Variants in COL23A1 observed in about 807,000 individuals in gnomAD.
COL23A1 encodes the protein collagen alpha-1(XXIII) chain.
COL23A1 carries 97 observed loss-of-function variants against 99.3 expected under a neutral mutation model. The ratio of observed to expected loss-of-function variants is 0.98; its 90% confidence interval spans 0.83 to 1.16. The LOEUF (loss-of-function observed/expected upper bound fraction) is 1.16. Among genes scored for constraint, COL23A1 ranks in the 50% most tolerant of loss-of-function variants. The probability of loss-of-function intolerance (pLI) is 0.00; values close to 1 mark genes in which losing one functional copy is unlikely to be tolerated. For synonymous variants in COL23A1, 320 were observed against 308.2 expected (o/e 1.04, Z -0.40); for missense variants, 762 against 757.4 (o/e 1.01, Z -0.07).
Position 178,239,177 on chromosome 5 carries a change from GC to G in COL23A1, c.1583del (p.Gly528AlafsTer40). On this transcript the variant is annotated frameshift_variant and splice_region_variant, in exon 28 of 29. Coordinates refer to ENST00000390654, the MANE Select transcript of COL23A1 (RefSeq NM_173465.4). LOFTEE classifies it high-confidence loss of function. ...PPGLDQPCPV[G>X]PDGLPVPGCW... The stretch of plus-strand genomic sequence containing the variant: ...AGCCAGGCACAGGCAGCCCGTCGGG[GC>G]CCTGGAAAGGAAGAAGGTTTCAGTG... 1.2e-6 allele frequency: 2 copies of G among 1,614,070 alleles called. No homozygotes were observed. The highest frequency in any genetic ancestry group is 2.2e-5 in the East Asian group (1 of 44,870).
intron 2 of COL23A1, among the ~76,000 whole-genome samples, chr5:178,469,272 G>A (rs1379495835): frequency 6.6e-6 from 1 of 152,148 alleles, no homozygotes; most frequent in African/African-American, 2.4e-5. Flanking sequence ...AGGAGGGGAC[G>A]AATTCCTAAC....
intron 2 of COL23A1, among the ~76,000 whole-genome samples, chr5:178,526,951 C>T (rs557156277): frequency 2.8e-4 from 43 of 152,238 alleles, no homozygotes; most frequent in Non-Finnish European, 5.7e-4. Context: ...AAAAGACGGC[C>T]TCCTTTGTCC....
chr5:178,520,869 C>T (rs1759902951), intron 2 of COL23A1, among the ~76,000 whole-genome samples: 1 of 152,176 alleles, frequency 6.6e-6, no homozygotes, highest in South Asian at 2.1e-4. Flanking sequence ...TATTAGGAAA[C>T]AAAGAATTTA....
chr5:178,261,641 A>C, intron 11 of COL23A1, 81 bp downstream of exon 11: 2 of 942,942 alleles, frequency 2.1e-6, no homozygotes, highest in Non-Finnish European at 1.7e-6. Flanking sequence ...GGTGGGGGGA[A>C]GAGACAGGAA....
chr5:178,491,117 G>A (rs180763179), intron 2 of COL23A1, among the ~76,000 whole-genome samples: 1 of 151,854 alleles, frequency 6.6e-6, no homozygotes, highest in Admixed American at 6.6e-5. Flanking sequence ...AGAGAGAGGA[G>A]ACACGGAGGA....
At position 178,310,736 on chromosome 5, in the gene COL23A1, C is replaced by T. The variant is rs771613781; in HGVS notation, c.362-3817G>A. On this transcript the variant is annotated intron_variant, in intron 2 of 28. Transcript: ENST00000390654. This position sits in a 1 kb window ranked among gnomAD's most constrained non-coding sequence, Gnocchi z 4.3. ...GGGCCTGGTGTGGAGCAGGTTGCCCCGGCCCCTGGGAGAGCAGGGCCAGCT... is the reference window on the plus strand; with the variant it reads ...GGGCCTGGTGTGGAGCAGGTTGCCCTGGCCCCTGGGAGAGCAGGGCCAGCT... 2.8e-4 allele frequency among the ~76,000 whole-genome samples: 42 copies of T among 152,000 alleles called. 1 individual carries two copies. The highest frequency in any genetic ancestry group is 6.2e-4 in the South Asian group (3 of 4,822).
At chr5:178,484,744 C>A (rs553096394) in intron 2 of COL23A1, among the ~76,000 whole-genome samples, 128 of 148,808 alleles carry the variant, frequency 8.6e-4, no homozygotes, top group Non-Finnish European at 1.1e-3. Context: ...ATGGTGTGAA[C>A]CTGGGAGGTG....
Position 178,239,177 on chromosome 5 carries a change from G to C in COL23A1, c.1584C>G (p.Gly528=), listed in dbSNP as rs754483385. 3.7e-6 allele frequency: 6 copies of C among 1,614,070 alleles called. No homozygotes were observed. In the African/African-American group the frequency reaches 8.0e-5, roughly 22 times the overall value. The change falls in exon 28 of 29, where the codon GGC becomes GGG. Residue 528 remains glycine, a splice_region_variant and synonymous_variant. Coordinates refer to ENST00000390654, the MANE Select transcript of COL23A1 (RefSeq NM_173465.4). ...PPGLDQPCPV[G]PDGLPVPGCW... is the part of the protein sequence containing the mutation. ...AGCCAGGCACAGGCAGCCCGTCGGGGCCCTGGAAAGGAAGAAGGTTTCAGT... is the reference window on the plus strand; with the variant it reads ...AGCCAGGCACAGGCAGCCCGTCGGGCCCCTGGAAAGGAAGAAGGTTTCAGT...
In COL23A1 at chr5:178,489,439, C is replaced by T. The variant is rs529554723; in HGVS notation, c.361+71243G>A. ...CACGTTACCGGCTCCTCTGGTTCTG[C>T]GGCTTGTAAACAGCCTGTCATGGGA... On this transcript the variant is annotated intron_variant, in intron 2 of 28. Coordinates refer to ENST00000390654, the MANE Select transcript of COL23A1 (RefSeq NM_173465.4). Among the ~76,000 whole-genome samples, 23 of 152,324 alleles carry T rather than the reference C, an allele frequency of 1.5e-4. No individual in the cohort carries two copies. The East Asian group carries it at 2.1e-3, about 14-fold the overall frequency.
At chr5:178,358,683 A>ATG (rs1174776992) in intron 2 of COL23A1, among the ~76,000 whole-genome samples, 6 of 117,466 alleles carry the variant, frequency 5.1e-5, no homozygotes, top group East Asian at 2.6e-4. Flanking sequence ...GTGTATGTGT[A>ATG]TGTGTGTGTA....
chr5:178,373,437 A>T (rs11249801), intron 2 of COL23A1, among the ~76,000 whole-genome samples: 14,643 of 151,854 alleles, frequency 0.096, 805 homozygotes, highest in South Asian at 0.17. Context: ...ATTTTTTGAG[A>T]CAGACTCTCC....
At position 178,239,282 on chromosome 5, in the gene COL23A1, G is replaced by A. The variant is rs547646847; in HGVS notation, c.1582-103C>T. ...TGTAGGGAGGTGCAGGCCAGGGAGC[G>A]GCCATGTGAGACTGCTGGGCCCCAC... On this transcript the variant is annotated intron_variant, in intron 27 of 28. Transcript: ENST00000390654. 1.2e-5 allele frequency: 16 copies of A among 1,326,638 alleles called. No individual in the cohort carries two copies. In the East Asian group the frequency reaches 1.4e-4, roughly 12 times the overall value. 82.2% of individuals were successfully genotyped at this position (1,326,638 alleles called of 1,614,324 possible). A position where few individuals can be genotyped will look rare whatever the true frequency, so the allele number is the denominator to read the frequency against.
intron 2 of COL23A1, among the ~76,000 whole-genome samples, chr5:178,471,263 CAG>C (rs1562001168): frequency 6.6e-6 from 1 of 151,704 alleles, no homozygotes; most frequent in Non-Finnish European, 1.5e-5. Context: ...TTTTTTGAGA[CAG>C]AGTCTCGCTC....
At position 178,521,564 on chromosome 5, in the gene COL23A1, A is replaced by C. The variant is rs1562049977; in HGVS notation, c.361+39118T>G. Among the ~76,000 whole-genome samples the C allele has an allele frequency of 2.0e-5, 3 of 152,296 alleles. No individual in the cohort carries two copies. In the South Asian group the frequency reaches 6.2e-4, roughly 32 times the overall value. On this transcript the variant is annotated intron_variant, in intron 2 of 28. Transcript: ENST00000390654. The stretch of plus-strand genomic sequence containing the variant: ...CAAGACTCCATCTCAAAAAAAAAAA[A>C]AAAAAAACTATTTAAAGCCAACATT...
intron 2 of COL23A1, among the ~76,000 whole-genome samples, chr5:178,481,390 T>G (rs949199294): frequency 1.3e-5 from 2 of 152,002 alleles, no homozygotes; most frequent in African/African-American, 4.8e-5. Context: ...TCATCAAAAT[T>G]AAAAACTTTT....
chr5:178,556,670 A>AT (rs1562087117), intron 2 of COL23A1, among the ~76,000 whole-genome samples: 27 of 150,176 alleles, frequency 1.8e-4, no homozygotes, highest in African/African-American at 6.3e-4. Context: ...ATAAAATAAA[A>AT]AAGCTGAGTG....
intron 1 of COL23A1, among the ~76,000 whole-genome samples, chr5:178,575,017 C>T (rs143289930): frequency 3.9e-5 from 6 of 152,174 alleles, no homozygotes; most frequent in African/African-American, 1.4e-4. Context: ...ATGTGTCAGT[C>T]GCTTTTTCCT....
intron 1 of COL23A1, among the ~76,000 whole-genome samples, chr5:178,582,486 G>A (rs192266668): frequency 1.1e-3 from 174 of 152,312 alleles, no homozygotes; most frequent in Non-Finnish European, 1.8e-3. Flanking sequence ...CTGTGGGGCA[G>A]AGAGGGCTCC....
At chr5:178,243,072 C>T (rs1009592613) in intron 25 of COL23A1, among the ~76,000 whole-genome samples, 1 of 152,176 alleles carries the variant, frequency 6.6e-6, no homozygotes, top group African/African-American at 2.4e-5. Context: ...CGCCTGTAAT[C>T]CCAGCTACTT....
Sources: gnomAD v4.1 joint callset for allele counts (sites outside exome capture counted in the v4.1 genomes callset) on GRCh38, gnomAD v4.1.1 for gene constraint, Gnocchi (gnomAD v3.1) non-coding constraint, MANE v1.5 for transcripts, NCBI Gene and HGNC (gene_info 2026-07-23, HGNC 2026-07-21) for gene names.